BRD3OS: variants seen among roughly 807,000 people sequenced by gnomAD.
The protein encoded by BRD3OS is BRD3 opposite strand.
rs1255922952 is a variant in BRD3OS, at chr9:134,031,398, T to C, written c.*4396T>C. 4.8e-6 allele frequency: 1 copy of C among 208,350 alleles called. No individual in the cohort carries two copies. The highest frequency in any genetic ancestry group is 2.3e-5 in the African/African-American group (1 of 43,834). 12.9% of individuals were successfully genotyped at this position (208,350 alleles called of 1,614,324 possible). A position where few individuals can be genotyped will look rare whatever the true frequency, so the allele number is the denominator to read the frequency against. ...ACCCAGCCCTGTGCTGGCAGCACGT[T>C]ACCAACCAGCCTGCGTGAAGACCTG... On this transcript the variant is annotated 3_prime_UTR_variant, in exon 3 of 3. Coordinates refer to ENST00000603928, the MANE Select transcript of BRD3OS (RefSeq NM_001355256.2).
Position 134,026,082 on chromosome 9 carries a change from C to T in BRD3OS, c.-549C>T, listed in dbSNP as rs1252680040. On this transcript the variant is annotated 5_prime_UTR_variant, in exon 2 of 3. Transcript: ENST00000603928. The surrounding 1 kb of genome is among the most constrained non-coding windows in gnomAD (Gnocchi z 4.4). ...CTCTCCACCCAGCTCCCAGGCTGCCCCACGGGACGTAAGTAGCTCGATCTA... is the reference window on the plus strand; with the variant it reads ...CTCTCCACCCAGCTCCCAGGCTGCCTCACGGGACGTAAGTAGCTCGATCTA... The T allele has an allele frequency of 6.6e-6, 1 of 152,524 alleles. No homozygotes were observed. Among genetic ancestry groups the T allele is most frequent in the Non-Finnish European group, 1.5e-5 (1 of 68,462 alleles). 9.4% of individuals were successfully genotyped at this position (152,524 alleles called of 1,614,324 possible). A position where few individuals can be genotyped will look rare whatever the true frequency, so the allele number is the denominator to read the frequency against.
rs536657915 is a variant in BRD3OS at position 134,028,303 on chromosome 9, C to T, written c.*1301C>T. The T allele has an allele frequency of 1.3e-5, 2 of 152,290 alleles. No individual in the cohort carries two copies. Among genetic ancestry groups the T allele is most frequent in the Non-Finnish European group, 2.9e-5 (2 of 68,072 alleles). The allele number at this position is 152,290 out of a possible 1,614,324, so 9.4% of individuals were successfully genotyped here. A position where few individuals can be genotyped will look rare whatever the true frequency, so the allele number is the denominator to read the frequency against. ...GCTCCTCAGCATGCACACACGGTCA[C>T]GTGATTCTGACGGCCTCATCCTGCA... On this transcript the variant is annotated 3_prime_UTR_variant, in exon 3 of 3. Transcript: ENST00000603928.
In BRD3OS at chr9:134,027,235, C is replaced by G. The variant is rs1469165399; in HGVS notation, c.*233C>G. 3.0e-6 allele frequency: 1 copy of G among 336,930 alleles called. No individual in the cohort carries two copies. Among genetic ancestry groups the G allele is most frequent in the Non-Finnish European group, 5.3e-6 (1 of 187,546 alleles). The allele number at this position is 336,930 out of a possible 1,614,324, so 20.9% of individuals were successfully genotyped here. On this transcript the variant is annotated 3_prime_UTR_variant, in exon 3 of 3. Transcript: ENST00000603928. ...TCCCCTCTAGAGTCCCCTCCGTGGT[C>G]AGCTGTTGTGACATTTGAATTCTCC...
chr9:134,026,518 C>T lies in BRD3OS; in HGVS notation c.-230C>T, dbSNP rs897700515. On this transcript the variant is annotated 5_prime_UTR_variant, in exon 3 of 3. Coordinates refer to ENST00000603928, the MANE Select transcript of BRD3OS (RefSeq NM_001355256.2). This position sits in a 1 kb window ranked among gnomAD's most constrained non-coding sequence, Gnocchi z 4.4. ...GGCGCCGCTCTGACCTGTGTGCGGT[C>T]CCCTGAATGGGTCTCAGGTGTCTTC... 3 of 346,848 alleles carry T rather than the reference C, an allele frequency of 8.6e-6. No homozygotes were observed. The highest frequency in any genetic ancestry group is 6.3e-5 in the African/African-American group (3 of 47,646). 21.5% of individuals were successfully genotyped at this position (346,848 alleles called of 1,614,324 possible).
At position 134,027,136 on chromosome 9, in the gene BRD3OS, A is replaced by G. The variant is rs1295105878; in HGVS notation, c.*134A>G. 2.5e-6 allele frequency: 1 copy of G among 394,222 alleles called. No individual in the cohort carries two copies. The highest frequency in any genetic ancestry group is 3.6e-5 in the East Asian group (1 of 27,898). The allele number at this position is 394,222 out of a possible 1,614,324, so 24.4% of individuals were successfully genotyped here. On this transcript the variant is annotated 3_prime_UTR_variant, in exon 3 of 3. Transcript: ENST00000603928. ...GAACGTGAAGATCAAACTGTGGTGTAAGAACCCAAGAAGCGCAGAATTGGC... is the reference window on the plus strand; with the variant it reads ...GAACGTGAAGATCAAACTGTGGTGTGAGAACCCAAGAAGCGCAGAATTGGC...
In BRD3OS at chr9:134,028,683, C is replaced by T. The variant is rs183890115; in HGVS notation, c.*1681C>T. 1.3e-5 allele frequency: 2 copies of T among 152,462 alleles called. No individual in the cohort carries two copies. The highest frequency in any genetic ancestry group is 3.9e-4 in the East Asian group (2 of 5,182). The allele number at this position is 152,462 out of a possible 1,614,324, so 9.4% of individuals were successfully genotyped here. Reference sequence around the variant, plus strand: ...GGATTACAGGCGTGAGCCACCGCACCCGGCCCACTTCATGCTTTTAACCTC... The same window carrying T: ...GGATTACAGGCGTGAGCCACCGCACTCGGCCCACTTCATGCTTTTAACCTC... On this transcript the variant is annotated 3_prime_UTR_variant, in exon 3 of 3. Coordinates refer to ENST00000603928, the MANE Select transcript of BRD3OS (RefSeq NM_001355256.2).
At position 134,028,776 on chromosome 9, in the gene BRD3OS, A is replaced by C. The variant is rs1399787084; in HGVS notation, c.*1774A>C. The C allele has an allele frequency of 6.6e-6, 1 of 152,306 alleles. No individual in the cohort carries two copies. The highest frequency in any genetic ancestry group is 1.5e-5 in the Non-Finnish European group (1 of 68,066). The allele number at this position is 152,306 out of a possible 1,614,324, so 9.4% of individuals were successfully genotyped here. A position where few individuals can be genotyped will look rare whatever the true frequency, so the allele number is the denominator to read the frequency against. On this transcript the variant is annotated 3_prime_UTR_variant, in exon 3 of 3. Transcript: ENST00000603928. ...CAGCATCCAGGTTGTCATCTGTGCA[A>C]ACAGCATGTTCTGAATGTGCCTGTA... is the stretch of plus-strand genomic sequence containing the variant.
rs1564543360 is a variant in BRD3OS, at chr9:134,028,804, C to CT, written c.*1803dup. On this transcript the variant is annotated 3_prime_UTR_variant, in exon 3 of 3. Coordinates refer to ENST00000603928, the MANE Select transcript of BRD3OS (RefSeq NM_001355256.2). The stretch of plus-strand genomic sequence containing the variant: ...AGCATGTTCTGAATGTGCCTGTACT[C>CT]TGTTCGTGCTTCTCTTTGCAGCTGT... 6.6e-6 allele frequency: 1 copy of CT among 152,306 alleles called. No homozygotes were observed. Among genetic ancestry groups the CT allele is most frequent in the Admixed American group, 6.5e-5 (1 of 15,292 alleles). 9.4% of individuals were successfully genotyped at this position (152,306 alleles called of 1,614,324 possible).
In BRD3OS at chr9:134,027,598, T is replaced by C. The variant is rs1323952469; in HGVS notation, c.*596T>C. 2 of 152,178 alleles carry C rather than the reference T, an allele frequency of 1.3e-5. No individual in the cohort carries two copies. The highest frequency in any genetic ancestry group is 2.9e-5 in the Non-Finnish European group (2 of 68,104). The allele number at this position is 152,178 out of a possible 1,614,324, so 9.4% of individuals were successfully genotyped here. A position where few individuals can be genotyped will look rare whatever the true frequency, so the allele number is the denominator to read the frequency against. Reference sequence around the variant, plus strand: ...GTAGCTGTGGCTCCAGGCGAACTACTGTATATAGAGACAGGGTTTCCCTAT... The same window carrying C: ...GTAGCTGTGGCTCCAGGCGAACTACCGTATATAGAGACAGGGTTTCCCTAT... On this transcript the variant is annotated 3_prime_UTR_variant, in exon 3 of 3. Coordinates refer to ENST00000603928, the MANE Select transcript of BRD3OS (RefSeq NM_001355256.2).
Position 134,029,485 on chromosome 9 carries a change from TCA to T in BRD3OS, c.*2486_*2487del, listed in dbSNP as rs746391505. Reference sequence around the variant, plus strand: ...AGGAGGCTGGTCTGGATGAGAAGGGTCACAGTCTGGCCAGGAGTGTCACCGTG... The same window carrying T: ...AGGAGGCTGGTCTGGATGAGAAGGGTCAGTCTGGCCAGGAGTGTCACCGTG... On this transcript the variant is annotated 3_prime_UTR_variant, in exon 3 of 3. Coordinates refer to ENST00000603928, the MANE Select transcript of BRD3OS (RefSeq NM_001355256.2). The T allele has an allele frequency of 3.9e-5, 6 of 152,254 alleles. No individual in the cohort carries two copies. The highest frequency in any genetic ancestry group is 4.8e-5 in the African/African-American group (2 of 41,428). The allele number at this position is 152,254 out of a possible 1,614,324, so 9.4% of individuals were successfully genotyped here. A position where few individuals can be genotyped will look rare whatever the true frequency, so the allele number is the denominator to read the frequency against.
rs1174531745 is a variant in BRD3OS, at chr9:134,030,506, A to G, written c.*3504A>G. On this transcript the variant is annotated 3_prime_UTR_variant, in exon 3 of 3. Coordinates refer to ENST00000603928, the MANE Select transcript of BRD3OS (RefSeq NM_001355256.2). ...ACTGACATTTACAGGAATATACTAG[A>G]AACGGCACTAAAAAGTTTAAGAAAA... 4.8e-6 allele frequency: 1 copy of G among 206,196 alleles called. No individual in the cohort carries two copies. Among genetic ancestry groups the G allele is most frequent in the Non-Finnish European group, 9.9e-6 (1 of 101,038 alleles). 12.8% of individuals were successfully genotyped at this position (206,196 alleles called of 1,614,324 possible). A position where few individuals can be genotyped will look rare whatever the true frequency, so the allele number is the denominator to read the frequency against.
rs984507190 is a variant in BRD3OS, at chr9:134,030,248, A to G, written c.*3246A>G. 6.5e-6 allele frequency: 1 copy of G among 153,582 alleles called. No individual in the cohort carries two copies. Among genetic ancestry groups the G allele is most frequent in the Non-Finnish European group, 1.4e-5 (1 of 70,654 alleles). 9.5% of individuals were successfully genotyped at this position (153,582 alleles called of 1,614,324 possible). A position where few individuals can be genotyped will look rare whatever the true frequency, so the allele number is the denominator to read the frequency against. On this transcript the variant is annotated 3_prime_UTR_variant, in exon 3 of 3. Transcript: ENST00000603928. ...CTTCCAGACATTTCCAGGCTCCAGG[A>G]GAGAGGCTGGGAGCCCCCACAGAAA... is the stretch of plus-strand genomic sequence containing the variant.
In BRD3OS at chr9:134,026,875, C is replaced by G. The variant is rs1020660650; in HGVS notation, c.128C>G (p.Thr43Arg). 1 of 398,820 alleles carries G rather than the reference C, an allele frequency of 2.5e-6. No individual in the cohort carries two copies. 24.7% of individuals were successfully genotyped at this position (398,820 alleles called of 1,614,324 possible). The change falls in exon 3 of 3, where the codon ACG becomes AGG. Residue 43 changes from threonine to arginine, a missense_variant. Coordinates refer to ENST00000603928, the MANE Select transcript of BRD3OS (RefSeq NM_001355256.2). The surrounding 1 kb of genome is among the most constrained non-coding windows in gnomAD (Gnocchi z 4.4). The part of the protein sequence containing the change: ...QQKLESVPPG[T>R]YLSRSRSMWY... ...AAGTTGGAGTCGGTGCCACCTGGGA[C>G]GTACCTGAGCAGGAGCCGAAGCATG...
At position 134,028,176 on chromosome 9, in the gene BRD3OS, A is replaced by T. The variant is rs1843455715; in HGVS notation, c.*1174A>T. 6.6e-6 allele frequency: 1 copy of T among 152,192 alleles called. No individual in the cohort carries two copies. Among genetic ancestry groups the T allele is most frequent in the Admixed American group, 6.5e-5 (1 of 15,280 alleles). The allele number at this position is 152,192 out of a possible 1,614,324, so 9.4% of individuals were successfully genotyped here. On this transcript the variant is annotated 3_prime_UTR_variant, in exon 3 of 3. Coordinates refer to ENST00000603928, the MANE Select transcript of BRD3OS (RefSeq NM_001355256.2). ...GCTTCCCATTTTTTATAGCAGTAAT[A>T]TGTAATTGATTGCTAAAGACTGCAA... is the stretch of plus-strand genomic sequence containing the variant.
rs184863650 is a variant in BRD3OS, at chr9:134,029,496, C to T, written c.*2494C>T. 1.0e-3 allele frequency: 158 copies of T among 152,386 alleles called. No homozygotes were observed. Among genetic ancestry groups the T allele is most frequent in the Non-Finnish European group, 2.1e-3 (145 of 68,088 alleles). 9.4% of individuals were successfully genotyped at this position (152,386 alleles called of 1,614,324 possible). A position where few individuals can be genotyped will look rare whatever the true frequency, so the allele number is the denominator to read the frequency against. ...CTGGATGAGAAGGGTCACAGTCTGGCCAGGAGTGTCACCGTGCCCCCTGAC... is the reference window on the plus strand; with the variant it reads ...CTGGATGAGAAGGGTCACAGTCTGGTCAGGAGTGTCACCGTGCCCCCTGAC... On this transcript the variant is annotated 3_prime_UTR_variant, in exon 3 of 3. Transcript: ENST00000603928.
At position 134,029,923 on chromosome 9, in the gene BRD3OS, G is replaced by A. The variant is rs531125249; in HGVS notation, c.*2921G>A. The A allele has an allele frequency of 6.6e-6, 1 of 152,296 alleles. No individual in the cohort carries two copies. Among genetic ancestry groups the A allele is most frequent in the South Asian group, 2.1e-4 (1 of 4,820 alleles). The allele number at this position is 152,296 out of a possible 1,614,324, so 9.4% of individuals were successfully genotyped here. A position where few individuals can be genotyped will look rare whatever the true frequency, so the allele number is the denominator to read the frequency against. On this transcript the variant is annotated 3_prime_UTR_variant, in exon 3 of 3. Transcript: ENST00000603928. ...CTCCCTTCATCCTGCCAGGGCTCAGGACAAGAGCTACTTAATGGTTTGATT... is the reference window on the plus strand; with the variant it reads ...CTCCCTTCATCCTGCCAGGGCTCAGAACAAGAGCTACTTAATGGTTTGATT...
In BRD3OS at chr9:134,031,267, TCCC is replaced by T. The variant is rs1252855266; in HGVS notation, c.*4268_*4270del. Reference sequence around the variant, plus strand: ...CTGCGCTGCCCCCACAGCCGGCCGCTCCCCCGACGGCTCACACAGGCAGCACCT... The same window carrying T: ...CTGCGCTGCCCCCACAGCCGGCCGCTCCGACGGCTCACACAGGCAGCACCT... On this transcript the variant is annotated 3_prime_UTR_variant, in exon 3 of 3. Coordinates refer to ENST00000603928, the MANE Select transcript of BRD3OS (RefSeq NM_001355256.2). 1 of 208,758 alleles carries T rather than the reference TCCC, an allele frequency of 4.8e-6. No individual in the cohort carries two copies. The highest frequency in any genetic ancestry group is 5.9e-5 in the Admixed American group (1 of 16,828). The allele number at this position is 208,758 out of a possible 1,614,324, so 12.9% of individuals were successfully genotyped here. A position where few individuals can be genotyped will look rare whatever the true frequency, so the allele number is the denominator to read the frequency against.
Position 134,027,757 on chromosome 9 carries a change from C to T in BRD3OS, c.*755C>T, listed in dbSNP as rs1462677818. ...AAAATGATCATCATCTGTGAAGCAT[C>T]ATGGTAGCTTCCAAGCATTTGCGGC... is the stretch of plus-strand genomic sequence containing the variant. On this transcript the variant is annotated 3_prime_UTR_variant, in exon 3 of 3. Transcript: ENST00000603928. 1 of 152,210 alleles carries T rather than the reference C, an allele frequency of 6.6e-6. No individual in the cohort carries two copies. The allele number at this position is 152,210 out of a possible 1,614,324, so 9.4% of individuals were successfully genotyped here.
At position 134,030,554 on chromosome 9, in the gene BRD3OS, A is replaced by G. The variant is rs1234033986; in HGVS notation, c.*3552A>G. On this transcript the variant is annotated 3_prime_UTR_variant, in exon 3 of 3. Coordinates refer to ENST00000603928, the MANE Select transcript of BRD3OS (RefSeq NM_001355256.2). ...AAAGTTACGGTAAACTTGCATGCACATCATACAGAAAAGTAACATTTTAAA... is the reference window on the plus strand; with the variant it reads ...AAAGTTACGGTAAACTTGCATGCACGTCATACAGAAAAGTAACATTTTAAA... 9 of 215,278 alleles carry G rather than the reference A, an allele frequency of 4.2e-5. No homozygotes were observed. The highest frequency in any genetic ancestry group is 8.4e-5 in the Non-Finnish European group (9 of 106,912). 13.3% of individuals were successfully genotyped at this position (215,278 alleles called of 1,614,324 possible). A position where few individuals can be genotyped will look rare whatever the true frequency, so the allele number is the denominator to read the frequency against.
Sources: gnomAD v4.1 joint callset for allele counts on GRCh38, gnomAD v4.1.1 for gene constraint, Gnocchi (gnomAD v3.1) non-coding constraint, MANE v1.5 for transcripts, NCBI Gene and HGNC (gene_info 2026-07-23, HGNC 2026-07-21) for gene names.